Variants in RMDN1 observed in about 807,000 individuals in gnomAD.
RMDN1 encodes regulator of microtubule dynamics protein 1.
RMDN1 carries 48 observed loss-of-function variants against 48.9 expected under a neutral mutation model. The ratio of observed to expected loss-of-function variants is 0.98; its 90% CI spans 0.78 to 1.25. The LOEUF is 1.25. RMDN1 is among the 50% of genes most tolerant of loss of function. The pLI is 0.00. For synonymous variants in RMDN1, 148 were observed against 132.6 expected (o/e 1.12, Z -0.80); for missense variants, 418 against 373.4 (o/e 1.12, Z -0.98).
intron 7 of RMDN1, 145 bp from the exon 8 acceptor site, chr8:86,477,469 TGA>T: frequency 1.6e-6 from 1 of 612,012 alleles, no homozygotes; most frequent in East Asian, 3.0e-5. Flanking sequence ...TCTTCAACAG[TGA>T]GAGTTAACAC....
chr8:86,503,371 C>CAAAAAAAAAAAAAAAAAAAAAA (rs1182231210), intron 2 of RMDN1, among the ~76,000 whole-genome samples: 1 of 67,986 alleles, frequency 1.5e-5, no homozygotes, highest in Non-Finnish European at 2.5e-5. Flanking sequence ...CAAAACAAAA[C>CAAAAAAAAAAAAAAAAAAAAAA]AAAAAAAAAA....
At position 86,472,566 on chromosome 8, in the gene RMDN1, C is replaced by T. The variant is rs1812717434; in HGVS notation, c.*1742G>A. On this transcript the variant is annotated 3_prime_UTR_variant, in exon 10 of 10. Transcript: ENST00000406452. Reference sequence around the variant, plus strand: ...ACTGAAAGCCTGCCATTGTTGTTGCCGTTTAACAGCTGATACAGGTTTCTG... The same window carrying T: ...ACTGAAAGCCTGCCATTGTTGTTGCTGTTTAACAGCTGATACAGGTTTCTG... 4 of 686,540 alleles carry T rather than the reference C, an allele frequency of 5.8e-6. No homozygotes were observed. Among genetic ancestry groups the T allele is most frequent in the South Asian group, 1.6e-5 (1 of 64,436 alleles). 42.5% of individuals were successfully genotyped at this position (686,540 alleles called of 1,614,324 possible).
intron 5 of RMDN1, chr8:86,482,762 A>G: frequency 9.7e-6 from 9 of 929,448 alleles, no homozygotes; most frequent in Non-Finnish European, 1.4e-5. Flanking sequence ...CCTGTGTGCA[A>G]CAGGACCCCA....
Position 86,482,763 on chromosome 8 carries a change from C to G in RMDN1, c.585+2109G>C. 3 of 930,666 alleles carry G rather than the reference C, an allele frequency of 3.2e-6. No homozygotes were observed. The South Asian group carries it at 3.9e-5, about 12-fold the overall frequency. The allele number at this position is 930,666 out of a possible 1,614,324, so 57.7% of individuals were successfully genotyped here. ...AGGTGGCGCCATAACCTGTGTGCAACAGGACCCCAATGTGACAAGTAGTGG... is the reference window on the plus strand; with the variant it reads ...AGGTGGCGCCATAACCTGTGTGCAAGAGGACCCCAATGTGACAAGTAGTGG... On this transcript the variant is annotated intron_variant, in intron 5 of 9. Coordinates refer to ENST00000406452, the MANE Select transcript of RMDN1 (RefSeq NM_016033.3).
intron 5 of RMDN1, among the ~76,000 whole-genome samples, chr8:86,483,371 C>G (rs1814897605): frequency 6.6e-6 from 1 of 152,068 alleles, no homozygotes; most frequent in Admixed American, 6.5e-5. Flanking sequence ...ATTTCTACAT[C>G]CTGAGGCACA....
At chr8:86,488,929 C>T (rs1025663115) in intron 2 of RMDN1, among the ~76,000 whole-genome samples, 2 of 152,098 alleles carry the variant, frequency 1.3e-5, no homozygotes, top group Admixed American at 6.5e-5. Flanking sequence ...ATAACACTAA[C>T]GATAGCTGAT....
chr8:86,509,674 T>C (rs976353632), upstream of RMDN1, among the ~76,000 whole-genome samples: 1 of 152,170 alleles, frequency 6.6e-6, no homozygotes, highest in African/African-American at 2.4e-5. Flanking sequence ...GAAAAAACTG[T>C]AACTCAAAGA....
chr8:86,474,410 C>T (rs772715735), intron 9 of RMDN1, 52 bp from the exon 10 acceptor site: 6 of 1,433,902 alleles, frequency 4.2e-6, no homozygotes, highest in Non-Finnish European at 5.9e-6. Flanking sequence ...AAGAGACTAA[C>T]TTGTGAAATT....
intron 2 of RMDN1, among the ~76,000 whole-genome samples, chr8:86,490,024 C>A (rs150930159): frequency 1.1e-3 from 171 of 152,086 alleles, no homozygotes; most frequent in African/African-American, 3.9e-3. Flanking sequence ...TCTCAGTAAT[C>A]CCACTTCATT....
chr8:86,493,683 T>A (rs1382671146), intron 2 of RMDN1, among the ~76,000 whole-genome samples: 2 of 152,188 alleles, frequency 1.3e-5, no homozygotes, highest in African/African-American at 2.4e-5. Context: ...AGAGCCAACA[T>A]GATGCCACAA....
chr8:86,503,381 A>G (rs1022051023), intron 2 of RMDN1, among the ~76,000 whole-genome samples: 4 of 69,372 alleles, frequency 5.8e-5, no homozygotes, highest in Non-Finnish European at 1.0e-4. Context: ...CAAAAAAAAA[A>G]AAAAAAAACA....
At chr8:86,504,321 T>C (rs1818904615) in intron 2 of RMDN1, 1 of 1,579,586 alleles carries the variant, frequency 6.3e-7, no homozygotes, top group Non-Finnish European at 8.7e-7. Context: ...AAGATGAGAG[T>C]GCAAGGATGT....
Position 86,474,939 on chromosome 8 carries a change from A to G in RMDN1, c.775T>C (p.Tyr259His). Residue 259 changes from tyrosine (Y) to histidine (H), a missense_variant, in exon 9 of 10, where the codon TAC (tyrosine) becomes CAC (histidine). Physicochemically the swap from Tyr to His is moderately conservative, Grantham distance 83 (BLOSUM62 2). Coordinates refer to ENST00000406452, the MANE Select transcript of RMDN1 (RefSeq NM_016033.3). ...CCTAAAAGAAGTAAGTTTTTGCTGT[A>G]GAAGTTTGGATCCACTGCACATAAG... ...HRAEQVDPNFYSKNLLLLGKT... is the reference protein window; with the variant it reads ...HRAEQVDPNFHSKNLLLLGKT... 6.2e-7 allele frequency: 1 copy of G among 1,608,162 alleles called. No homozygotes were observed. Among genetic ancestry groups the G allele is most frequent in the Non-Finnish European group, 8.5e-7 (1 of 1,178,418 alleles).
intron 4 of RMDN1, among the ~76,000 whole-genome samples, chr8:86,486,069 C>G (rs1186840438): frequency 6.6e-6 from 1 of 152,150 alleles, no homozygotes; most frequent in Non-Finnish European, 1.5e-5. Context: ...CATTCTAGGT[C>G]TCAGTTGTCT....
chr8:86,484,211 T>G (rs1354575634), intron 5 of RMDN1, among the ~76,000 whole-genome samples: 2 of 152,184 alleles, frequency 1.3e-5, no homozygotes, highest in East Asian at 3.9e-4. Context: ...CACTCATTCT[T>G]GGAAGCCGAC....
At chr8:86,504,259 C>T (rs1818891510) in intron 2 of RMDN1, 1 of 1,570,656 alleles carries the variant, frequency 6.4e-7, no homozygotes, top group Non-Finnish European at 8.8e-7. Flanking sequence ...TAAGTAGATC[C>T]TCCAGCAGTT....
At chr8:86,503,855 C>T in intron 2 of RMDN1, 1 of 613,962 alleles carries the variant, frequency 1.6e-6, no homozygotes, top group Non-Finnish European at 3.1e-6. Context: ...AGGTGCAATT[C>T]AATGCTTATC....
At chr8:86,504,521 T>C in intron 2 of RMDN1, 1 of 1,438,210 alleles carries the variant, frequency 7.0e-7, no homozygotes, top group Non-Finnish European at 9.8e-7. Flanking sequence ...GGTGCACGTG[T>C]GTTTAATACT....
chr8:86,476,366 G>C (rs753613745), intron 8 of RMDN1, among the ~76,000 whole-genome samples: 4 of 152,166 alleles, frequency 2.6e-5, no homozygotes, highest in Admixed American at 6.5e-5. Flanking sequence ...TTCTGTAGAA[G>C]ATAACTGTTA....
Sources: allele counts gnomAD v4.1 joint callset (sites outside exome capture counted in the v4.1 genomes callset), GRCh38; gene constraint gnomAD v4.1.1; transcripts MANE v1.5; gene names NCBI Gene and HGNC (gene_info 2026-07-23, HGNC 2026-07-21).